ZP3: variants seen among roughly 807,000 people sequenced by gnomAD.
ZP3 encodes zona pellucida glycoprotein 3.
A neutral mutation model predicts 35.6 loss-of-function variants in ZP3; 21 were observed. The ratio of observed to expected loss-of-function variants is 0.59; its 90% CI spans 0.42 to 0.85. The LOEUF is 0.85. Ranked by LOEUF, ZP3 falls within the 40% of genes least tolerant of loss-of-function variation. ZP3 has a pLI of 0.00. For missense variants in ZP3, 437 were observed against 536.5 expected (o/e 0.81, Z 1.83); for synonymous variants, 207 against 214.5 (o/e 0.96, Z 0.31).
At chr7:76,410,157 G>A (rs950850626) in intron 1 of ZP3, among the ~76,000 whole-genome samples, 6 of 151,690 alleles carry the variant, frequency 4.0e-5, no homozygotes, top group Admixed American at 6.6e-5. Context: ...CTCAGCGCCC[G>A]AGTACCTGGG....
chr7:76,397,770 G>T, exon 1 of ZP3: 1 of 1,611,954 alleles, frequency 6.2e-7, no homozygotes, highest in Non-Finnish European at 8.5e-7. Flanking sequence ...AGGCCACTGT[G>T]CAGGATCTCC....
chr7:76,418,245 T>A lies in ZP3; in HGVS notation c.-66-6807T>A, dbSNP rs190089402. ...TGCCTGGCGAATAGTGCTATTTTTTTAAAACACCTACTGAATATCTGAGTG... is the reference window on the plus strand; with the variant it reads ...TGCCTGGCGAATAGTGCTATTTTTTAAAAACACCTACTGAATATCTGAGTG... On this transcript the variant is annotated intron_variant, in intron 1 of 8. Transcript: ENST00000336517. Among the ~76,000 whole-genome samples the A allele has an allele frequency of 5.9e-5, 9 of 152,134 alleles. No individual in the cohort carries two copies. The East Asian group carries it at 9.7e-4, about 16-fold the overall frequency.
intron 1 of ZP3, chr7:76,397,953 C>T (rs1044689714): frequency 9.7e-6 from 10 of 1,030,376 alleles, no homozygotes; most frequent in Non-Finnish European, 1.4e-5. Context: ...CCCCGCTGCC[C>T]AGGGTACCGC....
intron 1 of ZP3, among the ~76,000 whole-genome samples, chr7:76,426,694 G>A (rs919626215): frequency 6.6e-6 from 1 of 152,016 alleles, no homozygotes; most frequent in African/African-American, 2.4e-5. Flanking sequence ...AAGCTGATAA[G>A]TGGTATTTTT....
exon 1 of ZP3, chr7:76,397,646 C>A (rs748110203): frequency 6.2e-7 from 1 of 1,613,760 alleles, no homozygotes; most frequent in South Asian, 1.1e-5. Context: ...GTGTCCGGTG[C>A]CATAGCCGAA....
chr7:76,435,246 A>T (rs1805957568), intron 5 of ZP3, among the ~76,000 whole-genome samples: 1 of 152,288 alleles, frequency 6.6e-6, no homozygotes, highest in Non-Finnish European at 1.5e-5. Context: ...CCAGGTTCCC[A>T]GGTGCAAGTG....
chr7:76,423,797 G>A (rs894561547), upstream of ZP3, among the ~76,000 whole-genome samples: 2 of 151,916 alleles, frequency 1.3e-5, no homozygotes, highest in African/African-American at 4.8e-5. Flanking sequence ...GGGAGGCGGA[G>A]GCTGCAGTGA....
intron 1 of ZP3, among the ~76,000 whole-genome samples, chr7:76,425,619 T>C (rs1805628428): frequency 1.3e-5 from 2 of 152,156 alleles, no homozygotes; most frequent in South Asian, 4.1e-4. Flanking sequence ...TTTCTAAGGC[T>C]GGGGGCATTA....
intron 1 of ZP3, among the ~76,000 whole-genome samples, chr7:76,426,744 T>C (rs1399199486): frequency 3.3e-5 from 5 of 151,936 alleles, no homozygotes; most frequent in Non-Finnish European, 7.4e-5. Flanking sequence ...TTTGCTCTTA[T>C]TGCCCAGGCT....
At chr7:76,433,112 T>TGTTC in intron 3 of ZP3, 82 bp downstream of exon 3, 3 of 1,210,796 alleles carry the variant, frequency 2.5e-6, no homozygotes, top group Non-Finnish European at 3.5e-6. Flanking sequence ...GTCTTTTTTT[T>TGTTC]GTTTGTTTGG....
intron 1 of ZP3, chr7:76,400,467 C>T: frequency 6.2e-7 from 1 of 1,608,466 alleles, no homozygotes; most frequent in Non-Finnish European, 8.5e-7. Context: ...CACAGCCCAG[C>T]TGGCGACACA....
In ZP3 at chr7:76,412,690, A is replaced by G. The variant is rs376256749; in HGVS notation, c.-66-12362A>G. On this transcript the variant is annotated intron_variant, in intron 1 of 8. Transcript: ENST00000336517. ...CATGGAGAAACCCCATCTCTACTAA[A>G]AATACAAAATTAGCCAGGGGTGGTG... Among the ~76,000 whole-genome samples the G allele has an allele frequency of 2.6e-4, 39 of 152,094 alleles. 1 individual carries two copies. In the East Asian group the frequency reaches 4.9e-3, roughly 19 times the overall value.
upstream of ZP3, among the ~76,000 whole-genome samples, chr7:76,423,047 G>GA (rs1805555247): frequency 7.0e-6 from 1 of 143,518 alleles, no homozygotes; most frequent in African/African-American, 2.7e-5. Flanking sequence ...AAGAAAGAAA[G>GA]AAAGAAAGAA....
At chr7:76,431,246 G>A (rs1456155735) in intron 2 of ZP3, among the ~76,000 whole-genome samples, 2 of 152,214 alleles carry the variant, frequency 1.3e-5, no homozygotes, top group African/African-American at 2.4e-5. Flanking sequence ...GGATAGAGGA[G>A]TCAAGGGCAG....
intron 1 of ZP3, among the ~76,000 whole-genome samples, chr7:76,413,238 G>A (rs1398232238): frequency 1.3e-5 from 2 of 151,854 alleles, no homozygotes; most frequent in Non-Finnish European, 2.9e-5. Context: ...TGGGATTACA[G>A]GTGTGAGCCG....
At chr7:76,407,170 T>C (rs541360550) in intron 1 of ZP3, among the ~76,000 whole-genome samples, 144 of 152,116 alleles carry the variant, frequency 9.5e-4, no homozygotes, top group African/African-American at 3.2e-3. Flanking sequence ...CATGTTGACC[T>C]GGCTGGTCTG....
chr7:76,416,945 C>CATATATATATATATATAT (rs35169816), intron 1 of ZP3, among the ~76,000 whole-genome samples: 3 of 73,250 alleles, frequency 4.1e-5, no homozygotes, highest in Non-Finnish European at 8.3e-5. Flanking sequence ...TGTATACATA[C>CATATATATATATATATAT]ATATATATAT....
At chr7:76,410,107 C>A (rs1457943403) in intron 1 of ZP3, among the ~76,000 whole-genome samples, 2 of 151,676 alleles carry the variant, frequency 1.3e-5, no homozygotes, top group African/African-American at 4.8e-5. Flanking sequence ...ATTTCGGCTC[C>A]CTGCATCCTC....
At chr7:76,435,729 A>G in intron 5 of ZP3, among the ~76,000 whole-genome samples, 1 of 133,200 alleles carries the variant, frequency 7.5e-6, no homozygotes. Flanking sequence ...TTCTACCACC[A>G]GCATTTTTTT....
Sources: gnomAD v4.1 joint callset for allele counts (sites outside exome capture counted in the v4.1 genomes callset) on GRCh38, gnomAD v4.1.1 for gene constraint, MANE v1.5 for transcripts, NCBI Gene and HGNC (gene_info 2026-07-23, HGNC 2026-07-21) for gene names.